Variants in FLOT2 observed in about 807,000 individuals in gnomAD.
FLOT2 encodes flotillin-2.
FLOT2 carries 35 observed loss-of-function variants against 54.9 expected under a neutral mutation model. The observed-to-expected ratio is 0.64, with a 90% CI of 0.49 to 0.84. The LOEUF is 0.84. FLOT2 is among the 40% of genes least tolerant of loss of function. FLOT2 has a pLI of 0.00. For synonymous variants in FLOT2, 207 were observed against 228.9 expected (o/e 0.90, Z 0.86); for missense variants, 464 against 572.1 (o/e 0.81, Z 1.93).
intron 1 of FLOT2, among the ~76,000 whole-genome samples, chr17:28,895,413 C>T (rs1404657666): frequency 6.6e-6 from 1 of 151,866 alleles, no homozygotes; most frequent in Non-Finnish European, 1.5e-5. Flanking sequence ...AAGCGTGCAT[C>T]ACTATGCCCG....
At position 28,883,366 on chromosome 17, in the gene FLOT2, ATCTG is replaced by A; in HGVS notation, c.223-139_223-136del. 1.9e-6 allele frequency: 2 copies of A among 1,076,754 alleles called. No homozygotes were observed. Among genetic ancestry groups the A allele is most frequent in the Non-Finnish European group, 2.7e-6 (2 of 734,524 alleles). 66.7% of individuals were successfully genotyped at this position (1,076,754 alleles called of 1,614,324 possible). ...GACCTGGAGGCCCTGGGGGGCTGGA[ATCTG>A]TCTGAAGCCTCTAGTGGGGAGACAG... is the stretch of plus-strand genomic sequence containing the variant. On this transcript the variant is annotated intron_variant, in intron 3 of 10. Coordinates refer to ENST00000394908, the MANE Select transcript of FLOT2 (RefSeq NM_004475.3). The surrounding 1 kb of genome is among the most constrained non-coding windows in gnomAD (Gnocchi z 5.0).
Position 28,879,375 on chromosome 17 carries a change from A to G in FLOT2, c.*1186T>C. ...AGTTCTTTATTTTACCAGAAGGGAC[A>G]GGCAGTGGGGCAGTGCAACATCCAA... On this transcript the variant is annotated 3_prime_UTR_variant, in exon 11 of 11. Coordinates refer to ENST00000394908, the MANE Select transcript of FLOT2 (RefSeq NM_004475.3). The G allele has an allele frequency of 1.0e-6, 1 of 988,248 alleles. No homozygotes were observed. The highest frequency in any genetic ancestry group is 1.2e-6 in the Non-Finnish European group (1 of 830,228). The allele number at this position is 988,248 out of a possible 1,614,324, so 61.2% of individuals were successfully genotyped here.
Position 28,879,453 on chromosome 17 carries a change from G to A in FLOT2, c.*1108C>T, listed in dbSNP as rs2039412078. 3.0e-6 allele frequency: 3 copies of A among 987,816 alleles called. No individual in the cohort carries two copies. The highest frequency in any genetic ancestry group is 3.6e-6 in the Non-Finnish European group (3 of 830,266). 61.2% of individuals were successfully genotyped at this position (987,816 alleles called of 1,614,324 possible). A position where few individuals can be genotyped will look rare whatever the true frequency, so the allele number is the denominator to read the frequency against. ...ATGCAGGAAGAGCTACACAGGCTGG[G>A]GCAGGGCCAGGGTGGGGAGCTGGGA... On this transcript the variant is annotated 3_prime_UTR_variant, in exon 11 of 11. Transcript: ENST00000394908.
At position 28,897,405 on chromosome 17, in the gene FLOT2, CG is replaced by C. The variant is rs2039760942; in HGVS notation, c.49+120del. 8.5e-6 allele frequency: 8 copies of C among 940,454 alleles called. No individual in the cohort carries two copies. The highest frequency in any genetic ancestry group is 1.7e-5 in the African/African-American group (1 of 57,776). 58.3% of individuals were successfully genotyped at this position (940,454 alleles called of 1,614,324 possible). A position where few individuals can be genotyped will look rare whatever the true frequency, so the allele number is the denominator to read the frequency against. On this transcript the variant is annotated intron_variant, in intron 1 of 10. Coordinates refer to ENST00000394908, the MANE Select transcript of FLOT2 (RefSeq NM_004475.3). The surrounding 1 kb of genome is among the most constrained non-coding windows in gnomAD (Gnocchi z 4.4). Reference sequence around the variant, plus strand: ...CTTGGAAGGGGCCTCAGGTGCGGCCCGGGGGCCAGCGCCCTGCGCCGCGCGG... The same window carrying C: ...CTTGGAAGGGGCCTCAGGTGCGGCCCGGGGCCAGCGCCCTGCGCCGCGCGG...
chr17:28,891,716 C>T (rs532086319), intron 1 of FLOT2, among the ~76,000 whole-genome samples: 4 of 152,134 alleles, frequency 2.6e-5, no homozygotes, highest in Non-Finnish European at 4.4e-5. Flanking sequence ...CTCCTGTCCA[C>T]ATTGGACAGT....
Position 28,883,355 on chromosome 17 carries a change from G to T in FLOT2, c.223-124C>A. The T allele has an allele frequency of 8.2e-7, 1 of 1,222,356 alleles. No homozygotes were observed. The highest frequency in any genetic ancestry group is 1.2e-6 in the Non-Finnish European group (1 of 862,370). The allele number at this position is 1,222,356 out of a possible 1,614,324, so 75.7% of individuals were successfully genotyped here. Reference sequence around the variant, plus strand: ...TCCTTTTTTCAGACCTGGAGGCCCTGGGGGGCTGGAATCTGTCTGAAGCCT... The same window carrying T: ...TCCTTTTTTCAGACCTGGAGGCCCTTGGGGGCTGGAATCTGTCTGAAGCCT... On this transcript the variant is annotated intron_variant, in intron 3 of 10. Transcript: ENST00000394908. The surrounding 1 kb of genome is among the most constrained non-coding windows in gnomAD (Gnocchi z 5.0).
In FLOT2 at chr17:28,880,143, A is replaced by T; in HGVS notation, c.*418T>A. On this transcript the variant is annotated 3_prime_UTR_variant, in exon 11 of 11. Transcript: ENST00000394908. ...CTACCCAGAACCCCTGCCCATGCTGAGCTCTGGCCAGGGCCATAGGGAGGA... is the reference window on the plus strand; with the variant it reads ...CTACCCAGAACCCCTGCCCATGCTGTGCTCTGGCCAGGGCCATAGGGAGGA... 2 of 1,043,580 alleles carry T rather than the reference A, an allele frequency of 1.9e-6. No homozygotes were observed. 64.6% of individuals were successfully genotyped at this position (1,043,580 alleles called of 1,614,324 possible). A position where few individuals can be genotyped will look rare whatever the true frequency, so the allele number is the denominator to read the frequency against.
At chr17:28,895,165 A>G (rs1274315613) in intron 1 of FLOT2, among the ~76,000 whole-genome samples, 1 of 151,874 alleles carries the variant, frequency 6.6e-6, no homozygotes, top group East Asian at 1.9e-4. Flanking sequence ...CATCTGCCTC[A>G]GCCTCTCAAA....
At chr17:28,889,467 TC>T (rs1243107595) in intron 1 of FLOT2, among the ~76,000 whole-genome samples, 2 of 151,652 alleles carry the variant, frequency 1.3e-5, no homozygotes, top group East Asian at 3.9e-4. Context: ...GTTGCTGGGA[TC>T]ACAGGTGCCC....
Position 28,882,404 on chromosome 17 carries a change from T to C in FLOT2, c.512A>G (p.Gln171Arg). ...AGCATCTCTCTGCACCACGGCAGTC[T>C]GCGTCTTGCCCAGGGAGCTCAGATA... The part of the protein sequence containing the change: ...VDYLSSLGKT[Q>R]TAVVQRDADI... Residue 171 changes from glutamine to arginine, a missense_variant, in exon 6 of 11, where the codon CAG (glutamine) becomes CGG (arginine). By Grantham distance (43) the Gln-to-Arg change is conservative (BLOSUM62 1). Transcript: ENST00000394908. This position sits in a 1 kb window ranked among gnomAD's most constrained non-coding sequence, Gnocchi z 5.6. 6.2e-7 allele frequency: 1 copy of C among 1,614,156 alleles called. No homozygotes were observed. Among genetic ancestry groups the C allele is most frequent in the South Asian group, 1.1e-5 (1 of 91,080 alleles).
intron 1 of FLOT2, among the ~76,000 whole-genome samples, chr17:28,890,552 A>T (rs2039632207): frequency 6.6e-6 from 1 of 151,966 alleles, no homozygotes; most frequent in African/African-American, 2.4e-5. Flanking sequence ...ACGCCCAGCT[A>T]ATTTTTTGTA....
Position 28,881,965 on chromosome 17 carries a change from C to T in FLOT2, c.763G>A (p.Glu255Lys). 6.2e-7 allele frequency: 1 copy of T among 1,614,152 alleles called. No individual in the cohort carries two copies. The highest frequency in any genetic ancestry group is 8.5e-7 in the Non-Finnish European group (1 of 1,180,050). The change falls in exon 8 of 11, where the codon GAA (glutamate) becomes AAA (lysine). Residue 255 changes from glutamate to lysine, a missense_variant. Glu to Lys is a moderately conservative substitution (Grantham distance 56). Coordinates refer to ENST00000394908, the MANE Select transcript of FLOT2 (RefSeq NM_004475.3). The stretch of plus-strand genomic sequence containing the variant: ...TGCACAACCTCAATCTCAATCTCTT[C>T]CTGCCGGATCTTCTGCTGTTCACGG... ...GAREQQKIRQ[E>K]EIEIEVVQRK...
At chr17:28,895,904 T>TA (rs1163151930) in intron 1 of FLOT2, among the ~76,000 whole-genome samples, 2 of 152,128 alleles carry the variant, frequency 1.3e-5, no homozygotes, top group African/African-American at 4.8e-5. Flanking sequence ...CCTCTGGTCT[T>TA]AGACACAGGT....
At position 28,889,075 on chromosome 17, in the gene FLOT2, C is replaced by T. The variant is rs558224137; in HGVS notation, c.50-49G>A. 149 of 1,536,538 alleles carry T rather than the reference C, an allele frequency of 9.7e-5. No individual in the cohort carries two copies. The South Asian group carries it at 1.5e-3, about 16-fold the overall frequency. ...CAAGTCAGTCGGTTCTTGGGTCTGTCTACCCTCCAGCCCACTGATAGCAAC... is the reference window on the plus strand; with the variant it reads ...CAAGTCAGTCGGTTCTTGGGTCTGTTTACCCTCCAGCCCACTGATAGCAAC... On this transcript the variant is annotated intron_variant, in intron 1 of 10. Coordinates refer to ENST00000394908, the MANE Select transcript of FLOT2 (RefSeq NM_004475.3).
At position 28,883,219 on chromosome 17, in the gene FLOT2, T is replaced by C. The variant is rs2039486503; in HGVS notation, c.235A>G (p.Thr79Ala). ...GCCACGGCCAGGAGTTCCTTCTCCG[T>C]CATGATCTTCACCTGTCAGTGACGA... ...VTGVAQVKIMTEKELLAVACE... is the reference protein window; with the variant it reads ...VTGVAQVKIMAEKELLAVACE... Residue 79 changes from threonine (T) to alanine (A), a missense_variant, in exon 4 of 11, where the codon ACG becomes GCG. Thr to Ala is a moderately conservative substitution (Grantham distance 58). Transcript: ENST00000394908. This position sits in a 1 kb window ranked among gnomAD's most constrained non-coding sequence, Gnocchi z 5.0. 8.7e-6 allele frequency: 14 copies of C among 1,614,066 alleles called. No homozygotes were observed. Among genetic ancestry groups the C allele is most frequent in the Non-Finnish European group, 1.2e-5 (14 of 1,179,994 alleles).
chr17:28,897,621 A>G lies in FLOT2; in HGVS notation c.-47T>C. 1 of 1,492,988 alleles carries G rather than the reference A, an allele frequency of 6.7e-7. No homozygotes were observed. Among genetic ancestry groups the G allele is most frequent in the Non-Finnish European group, 9.0e-7 (1 of 1,117,052 alleles). 92.5% of individuals were successfully genotyped at this position (1,492,988 alleles called of 1,614,324 possible). On this transcript the variant is annotated 5_prime_UTR_variant, in exon 1 of 11. Coordinates refer to ENST00000394908, the MANE Select transcript of FLOT2 (RefSeq NM_004475.3). The surrounding 1 kb of genome is among the most constrained non-coding windows in gnomAD (Gnocchi z 4.4). ...CCTCGGGACCGCACAGACCCGGACA[A>G]CAGCAGCGGGTCTGCAGCGCCGGCC...
Position 28,890,906 on chromosome 17 carries a change from G to A in FLOT2, c.50-1880C>T, listed in dbSNP as rs975238307. On this transcript the variant is annotated intron_variant, in intron 1 of 10. Transcript: ENST00000394908. Reference sequence around the variant, plus strand: ...AGACAGGGTCTCATTCTGTTGCCCAGGCTGGAGTACACTGTACACGAGTAC... The same window carrying A: ...AGACAGGGTCTCATTCTGTTGCCCAAGCTGGAGTACACTGTACACGAGTAC... 4.8e-5 allele frequency among the ~76,000 whole-genome samples: 7 copies of A among 145,720 alleles called. No individual in the cohort carries two copies. In the East Asian group the frequency reaches 1.4e-3, roughly 29 times the overall value.
Position 28,897,110 on chromosome 17 carries a change from C to T in FLOT2, c.49+416G>A, listed in dbSNP as rs778714616. On this transcript the variant is annotated intron_variant, in intron 1 of 10. Coordinates refer to ENST00000394908, the MANE Select transcript of FLOT2 (RefSeq NM_004475.3). The surrounding 1 kb of genome is among the most constrained non-coding windows in gnomAD (Gnocchi z 4.4). ...GTTTCAGGGCCCCTCCCCATACAGGCACCTGCCCTCCAGGGCTGCGCGACC... is the reference window on the plus strand; with the variant it reads ...GTTTCAGGGCCCCTCCCCATACAGGTACCTGCCCTCCAGGGCTGCGCGACC... Among the ~76,000 whole-genome samples, 4 of 152,200 alleles carry T rather than the reference C, an allele frequency of 2.6e-5. No individual in the cohort carries two copies. Among genetic ancestry groups the T allele is most frequent in the Admixed American group, 6.5e-5 (1 of 15,284 alleles).
At chr17:28,891,633 G>A (rs2039653022) in intron 1 of FLOT2, among the ~76,000 whole-genome samples, 1 of 152,218 alleles carries the variant, frequency 6.6e-6, no homozygotes, top group African/African-American at 2.4e-5. Flanking sequence ...ACATATGACT[G>A]TTGTGCACTT....
Sources: allele counts gnomAD v4.1 joint callset (sites outside exome capture counted in the v4.1 genomes callset), GRCh38; gene constraint gnomAD v4.1.1; non-coding constraint Gnocchi (gnomAD v3.1); transcripts MANE v1.5; gene names NCBI Gene and HGNC (gene_info 2026-07-23, HGNC 2026-07-21).